Variants in GRID2 observed in about 807,000 individuals in gnomAD.
The protein encoded by GRID2 is glutamate receptor ionotropic, delta-2.
A neutral mutation model predicts 114.8 loss-of-function variants in GRID2; 33 were observed. The ratio of observed to expected loss-of-function variants is 0.29; its 90% CI spans 0.22 to 0.38. The LOEUF is 0.38. GRID2 is among the 10% of genes least tolerant of loss of function. The probability of loss-of-function intolerance (pLI) is 1.00; values close to 1 mark genes in which losing one functional copy is unlikely to be tolerated. For synonymous variants in GRID2, 505 were observed against 449.9 expected (o/e 1.12, Z -1.55); for missense variants, 1,184 against 1,257.7 (o/e 0.94, Z 0.89).
At chr4:93,137,685 A>C (rs1735388090) in intron 4 of GRID2, among the ~76,000 whole-genome samples, 1 of 152,188 alleles carries the variant, frequency 6.6e-6, no homozygotes, top group African/African-American at 2.4e-5. Context: ...AGTATATTGT[A>C]CGTGAAACAA....
intron 13 of GRID2, among the ~76,000 whole-genome samples, chr4:93,555,260 C>T (rs971733916): frequency 6.6e-6 from 1 of 152,144 alleles, no homozygotes; most frequent in Non-Finnish European, 1.5e-5. Flanking sequence ...CGAGACAGAA[C>T]CTTTCCATCC....
intron 4 of GRID2, among the ~76,000 whole-genome samples, chr4:93,186,986 T>C (rs1052102218): frequency 6.6e-6 from 1 of 152,160 alleles, no homozygotes; most frequent in Non-Finnish European, 1.5e-5. Flanking sequence ...GCTTTAAAGA[T>C]AGCACCTTCT....
intron 1 of GRID2, among the ~76,000 whole-genome samples, chr4:92,477,126 T>G (rs1722359790): frequency 6.6e-6 from 1 of 151,192 alleles, no homozygotes; most frequent in Non-Finnish European, 1.5e-5. Context: ...ACTATGAAAA[T>G]GTACTTAAAT....
intron 9 of GRID2, among the ~76,000 whole-genome samples, chr4:93,406,722 A>G (rs969798804): frequency 1.3e-5 from 2 of 152,160 alleles, no homozygotes; most frequent in Non-Finnish European, 2.9e-5. Context: ...CTAAATATCT[A>G]TATAGATATA....
chr4:92,856,247 A>T (rs1744170515), intron 2 of GRID2, among the ~76,000 whole-genome samples: 1 of 151,996 alleles, frequency 6.6e-6, no homozygotes, highest in South Asian at 2.1e-4. Flanking sequence ...TTCTATTATC[A>T]TATTTTCATT....
chr4:93,333,512 G>C (rs1237657939), intron 8 of GRID2, among the ~76,000 whole-genome samples: 1 of 151,950 alleles, frequency 6.6e-6, no homozygotes, highest in Non-Finnish European at 1.5e-5. Flanking sequence ...CCTTTTTCTT[G>C]TCTTCCCCTT....
intron 5 of GRID2, among the ~76,000 whole-genome samples, chr4:93,214,970 G>A (rs1221901156): frequency 6.6e-6 from 1 of 151,996 alleles, no homozygotes; most frequent in Non-Finnish European, 1.5e-5. Flanking sequence ...CCTATGAGTA[G>A]AGTATTATGA....
intron 1 of GRID2, among the ~76,000 whole-genome samples, chr4:92,525,261 T>A (rs2149143788): frequency 6.6e-6 from 1 of 151,256 alleles, no homozygotes. Context: ...AGAGTCAGAT[T>A]GGTACTCGGT....
At chr4:92,775,700 C>T (rs1314239894) in intron 2 of GRID2, among the ~76,000 whole-genome samples, 1 of 152,126 alleles carries the variant, frequency 6.6e-6, no homozygotes, top group Non-Finnish European at 1.5e-5. Context: ...GTCTAATTTT[C>T]ACTTTCTTGT....
Position 93,678,845 on chromosome 4 carries a change from G to A in GRID2, c.2360+52410G>A, listed in dbSNP as rs951865657. ...ATCATGCCAAAATGTAAAGACCATCGAGACTAGGAAGAAACTGCATCAACT... is the reference window on the plus strand; with the variant it reads ...ATCATGCCAAAATGTAAAGACCATCAAGACTAGGAAGAAACTGCATCAACT... On this transcript the variant is annotated intron_variant, in intron 14 of 15. Coordinates refer to ENST00000282020, the MANE Select transcript of GRID2 (RefSeq NM_001510.4). 5.4e-5 allele frequency among the ~76,000 whole-genome samples: 8 copies of A among 147,554 alleles called. 1 individual carries two copies. The highest frequency in any genetic ancestry group is 3.4e-3 in the Middle Eastern group (1 of 290).
At chr4:93,681,017 A>T (rs34473274) in intron 14 of GRID2, among the ~76,000 whole-genome samples, 18,233 of 151,104 alleles carry the variant, frequency 0.12, 1,432 homozygotes, top group Non-Finnish European at 0.16. Context: ...ACATGATTGT[A>T]TATCTAGAAA....
intron 1 of GRID2, among the ~76,000 whole-genome samples, chr4:92,579,348 C>T (rs1171396410): frequency 3.3e-5 from 5 of 151,898 alleles, no homozygotes; most frequent in Non-Finnish European, 7.4e-5. Flanking sequence ...TCACTCTTTC[C>T]AGCTCTTTTT....
chr4:92,935,652 T>C (rs1167361984), intron 2 of GRID2, among the ~76,000 whole-genome samples: 2 of 146,800 alleles, frequency 1.4e-5, no homozygotes, highest in Non-Finnish European at 1.5e-5. Flanking sequence ...CCAACAATGA[T>C]AGACTGGATT....
intron 14 of GRID2, among the ~76,000 whole-genome samples, chr4:93,683,865 T>A (rs1023384050): frequency 6.6e-6 from 1 of 152,056 alleles, no homozygotes; most frequent in Non-Finnish European, 1.5e-5. Context: ...GTATTAACTG[T>A]TAAAGTAAAA....
chr4:92,840,943 A>T (rs1299088094), intron 2 of GRID2, among the ~76,000 whole-genome samples: 1 of 151,980 alleles, frequency 6.6e-6, no homozygotes, highest in Non-Finnish European at 1.5e-5. Flanking sequence ...AAGGCCTCAG[A>T]TTCTTTTCTT....
intron 13 of GRID2, among the ~76,000 whole-genome samples, chr4:93,562,131 A>G (rs957100644): frequency 8.6e-5 from 13 of 151,972 alleles, no homozygotes; most frequent in African/African-American, 3.1e-4. Flanking sequence ...ACTATTTTGC[A>G]TTTCCACCAG....
At chr4:93,271,746 A>C (rs920738718) in intron 8 of GRID2, among the ~76,000 whole-genome samples, 2 of 152,178 alleles carry the variant, frequency 1.3e-5, no homozygotes, top group African/African-American at 4.8e-5. Context: ...ATTTGAAAGT[A>C]CTCTGAGATG....
intron 5 of GRID2, among the ~76,000 whole-genome samples, chr4:93,212,485 C>T (rs542923117): frequency 3.9e-5 from 6 of 152,162 alleles, no homozygotes; most frequent in South Asian, 2.1e-4. Flanking sequence ...GCAGCCTTTC[C>T]GTGCAAGTAT....
intron 2 of GRID2, among the ~76,000 whole-genome samples, chr4:92,935,797 A>G (rs13128327): frequency 0.27 from 38,368 of 143,394 alleles, 7,585 homozygotes; most frequent in Middle Eastern, 0.42. Context: ...AAAAAACCAA[A>G]CACTGCATGT....
Sources: allele counts gnomAD v4.1 joint callset (sites outside exome capture counted in the v4.1 genomes callset), GRCh38; gene constraint gnomAD v4.1.1; transcripts MANE v1.5; gene names NCBI Gene and HGNC (gene_info 2026-07-23, HGNC 2026-07-21).